Variants in CLN8 observed in about 807,000 individuals in gnomAD.
CLN8 encodes protein CLN8.
A neutral mutation model predicts 15.7 loss-of-function variants in CLN8; 14 were observed. The observed-to-expected ratio is 0.89, with a 90% CI of 0.59 to 1.39. The LOEUF is 1.39. CLN8 is among the 40% of genes most tolerant of loss of function. The pLI is 0.00. For missense variants in CLN8, 415 were observed against 364.0 expected (o/e 1.14, Z -1.14); for synonymous variants, 188 against 151.0 (o/e 1.25, Z -1.80).
At chr8:1,775,354 A>G (rs956358221) in intron 2 of CLN8, among the ~76,000 whole-genome samples, 15 of 152,286 alleles carry the variant, frequency 9.8e-5, no homozygotes, top group Middle Eastern at 3.4e-3. Context: ...CAGTCCCCCA[A>G]GGATACTGAG....
intron 2 of CLN8, among the ~76,000 whole-genome samples, chr8:1,778,551 C>T (rs1232480679): frequency 6.6e-6 from 1 of 152,208 alleles, no homozygotes; most frequent in Non-Finnish European, 1.5e-5. Flanking sequence ...GGTCCTGGCC[C>T]ACCTTGAGGT....
At chr8:1,776,690 A>C (rs751147924) in intron 2 of CLN8, among the ~76,000 whole-genome samples, 20 of 152,228 alleles carry the variant, frequency 1.3e-4, no homozygotes, top group Non-Finnish European at 2.6e-4. Flanking sequence ...CAGTTTGATA[A>C]CTAGCAAAGG....
rs184167505 is a variant in CLN8, at chr8:1,786,393, T to A, written c.*5826T>A. ...TCAGTTCACCCCTTTCTTTGCTAAC[T>A]TTCTTCCTATTTTCTTCTAATGCGA... On this transcript the variant is annotated 3_prime_UTR_variant, in exon 3 of 3. Transcript: ENST00000331222. 2.0e-5 allele frequency: 3 copies of A among 152,386 alleles called. No individual in the cohort carries two copies. The East Asian group carries it at 5.8e-4, about 29-fold the overall frequency. The allele number at this position is 152,386 out of a possible 1,614,324, so 9.4% of individuals were successfully genotyped here.
upstream of CLN8, among the ~76,000 whole-genome samples, chr8:1,761,214 C>G (rs1195241105): frequency 2.0e-5 from 3 of 151,778 alleles, no homozygotes; most frequent in African/African-American, 7.3e-5. Context: ...GCTGATTTAT[C>G]CAAACAGGTG....
rs746051539 is a variant in CLN8 at position 1,771,418 on chromosome 8, C to T, written c.364C>T (p.His122Tyr). ...CTTTTGCTTTGAAAATGTTGCAGTC[C>T]ACCTGTCCAACTTGATCTTCCGGAC... ...GFFCFENVAV[H>Y]LSNLIFRTFD... The change falls in exon 2 of 3, where the codon CAC (histidine) becomes TAC (tyrosine). Residue 122 changes from histidine to tyrosine, a missense_variant. By Grantham distance (83) the His-to-Tyr change is moderately conservative. Transcript: ENST00000331222. The T allele has an allele frequency of 1.9e-6, 3 of 1,614,038 alleles. No homozygotes were observed. Among genetic ancestry groups the T allele is most frequent in the East Asian group, 4.5e-5 (2 of 44,888 alleles).
intron 1 of CLN8, chr8:1,758,655 G>A (rs1800725464): frequency 6.6e-6 from 1 of 152,192 alleles, no homozygotes; most frequent in Admixed American, 6.5e-5. Flanking sequence ...CCAGTGGTTT[G>A]GTCCAGAAAG....
rs1254313122 is a variant in CLN8, at chr8:1,783,026, T to C, written c.*2459T>C. The stretch of plus-strand genomic sequence containing the variant: ...CAGTGCAGAGCCTGAAGTTGGGGGT[T>C]TAGGGGTGGAAAAGGCTTCGTGAAA... On this transcript the variant is annotated 3_prime_UTR_variant, in exon 3 of 3. Transcript: ENST00000331222. The C allele has an allele frequency of 6.6e-6, 1 of 152,298 alleles. No homozygotes were observed. The highest frequency in any genetic ancestry group is 1.5e-5 in the Non-Finnish European group (1 of 68,162). The allele number at this position is 152,298 out of a possible 1,614,324, so 9.4% of individuals were successfully genotyped here.
upstream of CLN8, chr8:1,763,405 C>G (rs1269270330): frequency 1.7e-5 from 1 of 60,110 alleles, no homozygotes; most frequent in Admixed American, 1.3e-4. Context: ...CCGCGCCCCG[C>G]CCCCCGCCGC....
intron 2 of CLN8, among the ~76,000 whole-genome samples, chr8:1,778,436 C>G (rs1371489166): frequency 6.6e-6 from 1 of 152,260 alleles, no homozygotes; most frequent in African/African-American, 2.4e-5. Flanking sequence ...TCTCCCCTGT[C>G]CCATTCAGTT....
At position 1,773,656 on chromosome 8, in the gene CLN8, T is replaced by G. The variant is rs919035787; in HGVS notation, c.543+2059T>G. The G allele has an allele frequency of 2.6e-5, 4 of 152,428 alleles. No individual in the cohort carries two copies. The East Asian group carries it at 7.7e-4, about 29-fold the overall frequency. 9.4% of individuals were successfully genotyped at this position (152,428 alleles called of 1,614,324 possible). Reference sequence around the variant, plus strand: ...TTATTTCCATAAGAGTGCAGACTTCTGGGATGCAGGTCAGGGCTGTGACTT... The same window carrying G: ...TTATTTCCATAAGAGTGCAGACTTCGGGGATGCAGGTCAGGGCTGTGACTT... On this transcript the variant is annotated intron_variant, in intron 2 of 2. Coordinates refer to ENST00000331222, the MANE Select transcript of CLN8 (RefSeq NM_018941.4).
chr8:1,786,410 C>T lies in CLN8; in HGVS notation c.*5843C>T, dbSNP rs974763115. 7.2e-5 allele frequency: 11 copies of T among 152,328 alleles called. No individual in the cohort carries two copies. The highest frequency in any genetic ancestry group is 2.6e-4 in the African/African-American group (11 of 41,582). The allele number at this position is 152,328 out of a possible 1,614,324, so 9.4% of individuals were successfully genotyped here. On this transcript the variant is annotated 3_prime_UTR_variant, in exon 3 of 3. Transcript: ENST00000331222. ...TTGCTAACTTTCTTCCTATTTTCTTCTAATGCGAGAGCTTATTAATTCCAT... is the reference window on the plus strand; with the variant it reads ...TTGCTAACTTTCTTCCTATTTTCTTTTAATGCGAGAGCTTATTAATTCCAT...
intron 1 of CLN8, 23 bp from the exon 2 acceptor site, chr8:1,770,909 A>G: frequency 1.3e-6 from 1 of 749,634 alleles, no homozygotes; most frequent in South Asian, 1.5e-5. Context: ...GAGTCAACAC[A>G]AAATGAATGA....
rs558800711 is a variant in CLN8 at position 1,757,348 on chromosome 8, G to C, written c.-124+1266G>C. On this transcript the variant is annotated intron_variant, in intron 1 of 1. Coordinates refer to the CLN8 transcript ENST00000524258. The stretch of plus-strand genomic sequence containing the variant: ...CAGACACTGCCAAATGTCCCCACGG[G>C]AGGGGGCGTAGAGGACAGTGTGCTA... Among the ~76,000 whole-genome samples, 57 of 152,304 alleles carry C rather than the reference G, an allele frequency of 3.7e-4. 1 individual carries two copies. The highest frequency in any genetic ancestry group is 1.2e-3 in the African/African-American group (50 of 41,572).
At chr8:1,765,125 C>G (rs899657559) in intron 1 of CLN8, 2 of 152,182 alleles carry the variant, frequency 1.3e-5, no homozygotes, top group African/African-American at 4.8e-5. Context: ...ATCCAGTTTC[C>G]ATACAAAGAG....
At chr8:1,754,899 G>A (rs777687285), upstream of CLN8, among the ~76,000 whole-genome samples, 3 of 152,224 alleles carry the variant, frequency 2.0e-5, no homozygotes, top group Admixed American at 2.0e-4. Context: ...AAGCAGGCCG[G>A]AAGTTCTTTC....
upstream of CLN8, chr8:1,759,138 G>A (rs1226514437): frequency 3.3e-5 from 5 of 152,192 alleles, no homozygotes; most frequent in African/African-American, 1.2e-4. Flanking sequence ...TGACGTTAAT[G>A]CAGGTCAGCT....
At chr8:1,757,003 G>A (rs1455791220) in intron 1 of CLN8, among the ~76,000 whole-genome samples, 1 of 152,108 alleles carries the variant, frequency 6.6e-6, no homozygotes, top group African/African-American at 2.4e-5. Context: ...ATTTCTTAAA[G>A]CTGCACTAAA....
chr8:1,753,192 C>G (rs1306523709), upstream of CLN8, among the ~76,000 whole-genome samples: 2 of 152,196 alleles, frequency 1.3e-5, no homozygotes, highest in South Asian at 2.1e-4. Flanking sequence ...CACTGTCTTT[C>G]TGCCTAATGG....
upstream of CLN8, among the ~76,000 whole-genome samples, chr8:1,761,387 C>CAT (rs1800792883): frequency 6.6e-6 from 1 of 151,766 alleles, no homozygotes; most frequent in East Asian, 1.9e-4. Context: ...TGCAGTGGTG[C>CAT]GATTTCAGCA....
Sources: allele counts gnomAD v4.1 joint callset (sites outside exome capture counted in the v4.1 genomes callset), GRCh38; gene constraint gnomAD v4.1.1; transcripts MANE v1.5; gene names NCBI Gene and HGNC (gene_info 2026-07-23, HGNC 2026-07-21).